Variants in VAX2 observed in about 807,000 individuals in gnomAD.
The protein encoded by VAX2 is ventral anterior homeobox 2.
A neutral mutation model predicts 12.5 loss-of-function variants in VAX2; 8 were observed. The ratio of observed to expected loss-of-function variants is 0.64; its 90% CI spans 0.37 to 1.15. VAX2 has a LOEUF of 1.15. VAX2 is among the 50% of genes most tolerant of loss of function. The pLI is 0.01. For missense variants in VAX2, 476 were observed against 412.9 expected, an observed-to-expected ratio of 1.15 and a Z score of -1.32; for synonymous variants, 183 against 187.6, an observed-to-expected ratio of 0.98 and a Z score of 0.20.
chr2:70,932,621 C>G (rs1322669472), intron 2 of VAX2, 146 bp from the exon 3 acceptor site: 1 of 551,990 alleles, frequency 1.8e-6, no homozygotes, highest in African/African-American at 1.9e-5. Context: ...TTCTTTCCCT[C>G]TTGCTCCACC....
At chr2:70,930,921 G>T (rs975707213) in intron 2 of VAX2, among the ~76,000 whole-genome samples, 5 of 152,188 alleles carry the variant, frequency 3.3e-5, no homozygotes, top group African/African-American at 7.2e-5. Context: ...AGCAGGGTTG[G>T]CCTCTATGTT....
At chr2:70,900,988 A>G (rs1678910876) in intron 1 of VAX2, 120 bp downstream of exon 1, 1 of 1,032,568 alleles carries the variant, frequency 9.7e-7, no homozygotes, top group Non-Finnish European at 1.3e-6. Context: ...TCATCCAGTC[A>G]TTCATTCAGC....
intron 1 of VAX2, among the ~76,000 whole-genome samples, chr2:70,912,813 A>G (rs1553411384): frequency 6.6e-6 from 1 of 152,110 alleles, no homozygotes; most frequent in African/African-American, 2.4e-5. Flanking sequence ...TAAGCTAACT[A>G]CTATCAGGCC....
intron 1 of VAX2, among the ~76,000 whole-genome samples, chr2:70,917,880 C>G (rs1679343956): frequency 6.6e-6 from 1 of 152,156 alleles, no homozygotes; most frequent in Non-Finnish European, 1.5e-5. Context: ...TGTAACAGCA[C>G]CCTTCCTCCT....
chr2:70,906,518 TCC>T (rs1327722764), intron 1 of VAX2, among the ~76,000 whole-genome samples: 1 of 115,278 alleles, frequency 8.7e-6, no homozygotes, highest in Non-Finnish European at 1.7e-5. Context: ...TCTTTTCTTT[TCC>T]TTTTTTTTTT....
At chr2:70,916,128 T>C (rs868916072) in intron 1 of VAX2, among the ~76,000 whole-genome samples, 2 of 152,238 alleles carry the variant, frequency 1.3e-5, no homozygotes, top group Admixed American at 1.3e-4. Context: ...TTTTTTCTAC[T>C]AATGGATTTG....
chr2:70,926,350 C>T (rs1309041961), intron 2 of VAX2, among the ~76,000 whole-genome samples: 2 of 152,188 alleles, frequency 1.3e-5, no homozygotes, highest in African/African-American at 4.8e-5. Flanking sequence ...TCTCTCAAGA[C>T]TATCAAAAGA....
intron 1 of VAX2, among the ~76,000 whole-genome samples, chr2:70,905,323 G>T (rs1230627248): frequency 6.6e-6 from 1 of 152,090 alleles, no homozygotes; most frequent in African/African-American, 2.4e-5. Context: ...TTTGTAGAGG[G>T]TTTCTTTTTT....
At chr2:70,912,272 C>T (rs1446673896) in intron 1 of VAX2, among the ~76,000 whole-genome samples, 2 of 152,112 alleles carry the variant, frequency 1.3e-5, no homozygotes, top group African/African-American at 4.8e-5. Context: ...TCAATGTTCC[C>T]AATAAACTTG....
chr2:70,903,037 G>A (rs755311952), intron 1 of VAX2, among the ~76,000 whole-genome samples: 1 of 152,136 alleles, frequency 6.6e-6, no homozygotes, highest in African/African-American at 2.4e-5. Context: ...GGCCTGAAAC[G>A]CTCAGGATGT....
chr2:70,910,028 A>C (rs548390437), intron 1 of VAX2, among the ~76,000 whole-genome samples: 2 of 152,292 alleles, frequency 1.3e-5, no homozygotes, highest in East Asian at 3.9e-4. Flanking sequence ...ATGTAAAACC[A>C]GGTGGGATAT....
In VAX2 at chr2:70,932,788, C is replaced by A; in HGVS notation, c.457C>A (p.Arg153Ser). ...ETQVKVWFQN[R>S]RTKQKKDQSR... is the part of the protein sequence containing the mutation. Reference sequence around the variant, plus strand: ...CAAGGTGAAGGTCTGGTTCCAGAACCGCCGCACCAAGCAGAAGAAAGACCA... The same window carrying A: ...CAAGGTGAAGGTCTGGTTCCAGAACAGCCGCACCAAGCAGAAGAAAGACCA... Residue 153 changes from arginine to serine, a missense_variant, in exon 3 of 3, where the codon CGC becomes AGC. By Grantham distance (110) the Arg-to-Ser change is moderately radical. Coordinates refer to ENST00000234392, the MANE Select transcript of VAX2 (RefSeq NM_012476.3). 6.3e-7 allele frequency: 1 copy of A among 1,588,592 alleles called. No individual in the cohort carries two copies. The highest frequency in any genetic ancestry group is 8.6e-7 in the Non-Finnish European group (1 of 1,166,076).
Position 70,900,601 on chromosome 2 carries a change from G to A in VAX2, c.-21G>A. The A allele has an allele frequency of 8.0e-7, 1 of 1,254,640 alleles. No homozygotes were observed. Among genetic ancestry groups the A allele is most frequent in the South Asian group, 3.1e-5 (1 of 32,342 alleles). The allele number at this position is 1,254,640 out of a possible 1,614,324, so 77.7% of individuals were successfully genotyped here. On this transcript the variant is annotated 5_prime_UTR_variant, in exon 1 of 3. Transcript: ENST00000234392. The stretch of plus-strand genomic sequence containing the variant: ...AGCGTAGGCTGGCTCCGCCGTAGAG[G>A]GGTTGGCAGTGGCGGTCAGCATGGG...
intron 2 of VAX2, among the ~76,000 whole-genome samples, chr2:70,928,221 C>T (rs1393703223): frequency 1.3e-5 from 2 of 152,212 alleles, no homozygotes; most frequent in Non-Finnish European, 2.9e-5. Flanking sequence ...GCCTGATGGG[C>T]TTGATGGTGG....
In VAX2 at chr2:70,918,277, A is replaced by G. The variant is rs76212460; in HGVS notation, c.248-2821A>G. ...AGGACGGTGCTTGAGAACCTGTGAGATCTGAGCCAGGACTCTTGAGCCAGG... is the reference window on the plus strand; with the variant it reads ...AGGACGGTGCTTGAGAACCTGTGAGGTCTGAGCCAGGACTCTTGAGCCAGG... On this transcript the variant is annotated intron_variant, in intron 1 of 2. Coordinates refer to ENST00000234392, the MANE Select transcript of VAX2 (RefSeq NM_012476.3). Among the ~76,000 whole-genome samples the G allele has an allele frequency of 4.8e-3, 729 of 152,200 alleles. 6 individuals are homozygous for G. Among genetic ancestry groups the G allele is most frequent in the African/African-American group, 0.017 (698 of 41,502 alleles).
intron 1 of VAX2, among the ~76,000 whole-genome samples, chr2:70,909,890 G>T (rs76720127): frequency 0.01 from 1,567 of 152,170 alleles, 28 homozygotes; most frequent in African/African-American, 0.036. Flanking sequence ...TGAACAAATG[G>T]TTTGTTTTAT....
At position 70,933,260 on chromosome 2, in the gene VAX2, C is replaced by A. The variant is rs1164257838; in HGVS notation, c.*56C>A. 4 of 1,449,450 alleles carry A rather than the reference C, an allele frequency of 2.8e-6. No individual in the cohort carries two copies. Among genetic ancestry groups the A allele is most frequent in the African/African-American group, 1.4e-5 (1 of 69,870 alleles). 89.8% of individuals were successfully genotyped at this position (1,449,450 alleles called of 1,614,324 possible). A position where few individuals can be genotyped will look rare whatever the true frequency, so the allele number is the denominator to read the frequency against. Reference sequence around the variant, plus strand: ...CACAGCACCTTCCCAGTCTCCTGTGCCCCAGCGGACAGCACTGAGCAGGCC... The same window carrying A: ...CACAGCACCTTCCCAGTCTCCTGTGACCCAGCGGACAGCACTGAGCAGGCC... On this transcript the variant is annotated 3_prime_UTR_variant, in exon 3 of 3. Transcript: ENST00000234392.
intron 2 of VAX2, among the ~76,000 whole-genome samples, chr2:70,927,634 C>T (rs549474158): frequency 6.6e-6 from 1 of 151,916 alleles, no homozygotes; most frequent in East Asian, 1.9e-4. Context: ...TGATATTGAC[C>T]ATGAGCCCAA....
chr2:70,915,198 G>C (rs1553411783), intron 1 of VAX2, among the ~76,000 whole-genome samples: 1 of 151,566 alleles, frequency 6.6e-6, no homozygotes, highest in Non-Finnish European at 1.5e-5. Context: ...CTTTAATATA[G>C]TCAAATACAT....
Sources: allele counts gnomAD v4.1 joint callset (sites outside exome capture counted in the v4.1 genomes callset), GRCh38; gene constraint gnomAD v4.1.1; transcripts MANE v1.5; gene names NCBI Gene and HGNC (gene_info 2026-07-23, HGNC 2026-07-21).